The following TNXB variants were observed in gnomAD, a reference collection of about 807,000 sequenced individuals.
TNXB encodes tenascin XB.
TNXB carries 183 observed loss-of-function variants against 340.5 expected under a neutral mutation model. That is an observed-to-expected ratio of 0.54 (90% CI 0.48 to 0.61). The LOEUF is 0.61. Ranked by LOEUF, TNXB falls within the 20% of genes least tolerant of loss-of-function variation. The pLI, the probability that TNXB is intolerant of heterozygous loss-of-function variation, is 0.00. For missense variants in TNXB, 4,613 were observed against 5,446.4 expected, an observed-to-expected ratio of 0.85 and a Z score of 4.82; for synonymous variants, 2,121 against 2,314.5, an observed-to-expected ratio of 0.92 and a Z score of 2.40.
Position 32,080,653 on chromosome 6 carries a change from C to G in TNXB, c.4042+715G>C, listed in dbSNP as rs891035997. 6.6e-6 allele frequency among the ~76,000 whole-genome samples: 1 copy of G among 152,222 alleles called. No homozygotes were observed. Among genetic ancestry groups the G allele is most frequent in the African/African-American group, 2.4e-5 (1 of 41,454 alleles). ...ACAAGGTCCTACAGGAAGTAAGTTG[C>G]AAGGCTGGTAGTGAGACTCGGGCAG... On this transcript the variant is annotated intron_variant, in intron 10 of 43. Transcript: ENST00000644971. The surrounding 1 kb of genome is among the most constrained non-coding windows in gnomAD (Gnocchi z 4.3).
chr6:32,059,047 T>C (rs1435487192), intron 21 of TNXB, among the ~76,000 whole-genome samples: 1 of 151,898 alleles, frequency 6.6e-6, no homozygotes, highest in Non-Finnish European at 1.5e-5. Context: ...AGTAGGACTA[T>C]GAGATTCTTG....
At position 32,046,269 on chromosome 6, in the gene TNXB, T is replaced by C; in HGVS notation, c.10512A>G (p.Val3504=). The part of the protein sequence containing the change: ...PVAADQRTVT[V]EDLEPGKKYK... Reference sequence around the variant, plus strand: ...ATTTCTTGCCAGGCTCCAGGTCCTCTACGGTGACTGTGCGCTGGTCTGCGG... The same window carrying C: ...ATTTCTTGCCAGGCTCCAGGTCCTCCACGGTGACTGTGCGCTGGTCTGCGG... The change falls in exon 31 of 44, where the codon GTA becomes GTG. Residue 3504 remains valine, a synonymous_variant. Coordinates refer to ENST00000644971, the MANE Select transcript of TNXB (RefSeq NM_001365276.2). The surrounding 1 kb of genome is among the most constrained non-coding windows in gnomAD (Gnocchi z 6.9). The C allele has an allele frequency of 3.1e-6, 5 of 1,606,308 alleles. No individual in the cohort carries two copies. The highest frequency in any genetic ancestry group is 2.2e-5 in the South Asian group (2 of 89,614).
At position 32,043,824 on chromosome 6, in the gene TNXB, C is replaced by T. The variant is rs142610250; in HGVS notation, c.11455G>A (p.Ala3819Thr). 200 of 1,613,512 alleles carry T rather than the reference C, an allele frequency of 1.2e-4. No individual in the cohort carries two copies. Among genetic ancestry groups the T allele is most frequent in the Non-Finnish European group, 1.6e-4 (183 of 1,180,002 alleles). ...TQKLQGLIPGARYEVTVVSVR... is the reference protein window; with the variant it reads ...TQKLQGLIPGTRYEVTVVSVR... Reference sequence around the variant, plus strand: ...GAGACCACGGTCACCTCATAGCGAGCGCCTGGGATCAGCCCCTGGAGTTTC... The same window carrying T: ...GAGACCACGGTCACCTCATAGCGAGTGCCTGGGATCAGCCCCTGGAGTTTC... The change falls in exon 35 of 44, where the codon GCT (alanine) becomes ACT (threonine). Residue 3819 changes from alanine to threonine, a missense_variant. By Grantham distance (58) the Ala-to-Thr change is moderately conservative. Coordinates refer to ENST00000644971, the MANE Select transcript of TNXB (RefSeq NM_001365276.2).
Position 32,089,468 on chromosome 6 carries a change from A to C in TNXB, c.2359-89T>G. 5.4e-6 allele frequency: 8 copies of C among 1,483,342 alleles called. No homozygotes were observed. Among genetic ancestry groups the C allele is most frequent in the Non-Finnish European group, 7.2e-6 (8 of 1,107,876 alleles). 91.9% of individuals were successfully genotyped at this position (1,483,342 alleles called of 1,614,324 possible). ...TTATCTCTTCTTTCTCCAATTCTAA[A>C]CAGTGTCAGCATGGTACTGTGTGGA... is the stretch of plus-strand genomic sequence containing the variant. On this transcript the variant is annotated intron_variant, in intron 4 of 43. Coordinates refer to ENST00000644971, the MANE Select transcript of TNXB (RefSeq NM_001365276.2). The surrounding 1 kb of genome is among the most constrained non-coding windows in gnomAD (Gnocchi z 6.2).
At chr6:32,054,581 C>T (rs748564488) in intron 24 of TNXB, among the ~76,000 whole-genome samples, 70 of 152,342 alleles carry the variant, frequency 4.6e-4, no homozygotes, top group Admixed American at 6.5e-4. Context: ...CCTGCCTGGC[C>T]TCAGGTCCTG....
rs925287543 is a variant in TNXB at position 32,085,838 on chromosome 6, G to A, written c.3060C>T (p.Pro1020=). Residue 1020 remains proline (P), a synonymous_variant, in exon 7 of 44, where the codon CCC becomes CCT. Transcript: ENST00000644971. The surrounding 1 kb of genome is among the most constrained non-coding windows in gnomAD (Gnocchi z 6.4). ...GDVRQALVPP[P]PPGTPYELSL... is the part of the protein sequence containing the mutation. ...ACAGCTCATACGGGGTTCCAGGAGGGGGTGGAGGCACCAGAGCCTGGCGGA... is the reference window on the plus strand; with the variant it reads ...ACAGCTCATACGGGGTTCCAGGAGGAGGTGGAGGCACCAGAGCCTGGCGGA... 1.9e-6 allele frequency: 3 copies of A among 1,606,404 alleles called. No homozygotes were observed. In the African/African-American group the frequency reaches 4.0e-5, roughly 21 times the overall value.
Position 32,069,440 on chromosome 6 carries a change from T to C in TNXB, c.5587+113A>G. 7.6e-7 allele frequency: 1 copy of C among 1,308,682 alleles called. No individual in the cohort carries two copies. The allele number at this position is 1,308,682 out of a possible 1,614,324, so 81.1% of individuals were successfully genotyped here. On this transcript the variant is annotated intron_variant, in intron 15 of 43. Coordinates refer to ENST00000644971, the MANE Select transcript of TNXB (RefSeq NM_001365276.2). The surrounding 1 kb of genome is among the most constrained non-coding windows in gnomAD (Gnocchi z 6.2). Reference sequence around the variant, plus strand: ...ACTCTAAAGGGGCACAAGGAAACTTTCTGGATCAATGGAAATGATATAAAA... The same window carrying C: ...ACTCTAAAGGGGCACAAGGAAACTTCCTGGATCAATGGAAATGATATAAAA...
rs377299411 is a variant in TNXB, at chr6:32,055,887, G to A, written c.8431C>T (p.Arg2811Trp). 4.2e-5 allele frequency: 68 copies of A among 1,612,650 alleles called. No individual in the cohort carries two copies. The highest frequency in any genetic ancestry group is 6.7e-5 in the African/African-American group (5 of 74,908). ...KMHLYGLHEGRRVGPVSTVGV... is the reference protein window; with the variant it reads ...KMHLYGLHEGWRVGPVSTVGV... ...ACGGTGGACACCGGGCCCACACGCC[G>A]CCCCTCGTGGAGGCCGTACAGGTGC... The change falls in exon 24 of 44, where the codon CGG becomes TGG. Residue 2811 changes from arginine to tryptophan, a missense_variant. Arg to Trp is a moderately radical substitution (Grantham distance 101). This residue lies in a region of TNXB where 4,327 missense variants were observed against 4,859.4 expected (regional missense o/e 0.89). Transcript: ENST00000644971.
At position 32,052,450 on chromosome 6, in the gene TNXB, CAA is replaced by C. The variant is rs34605198; in HGVS notation, c.9115+218_9115+219del. On this transcript the variant is annotated intron_variant, in intron 26 of 43. Transcript: ENST00000644971. The surrounding 1 kb of genome is among the most constrained non-coding windows in gnomAD (Gnocchi z 4.7). Reference sequence around the variant, plus strand: ...TGGGTGACAAAGCGAGACTCTATCTCAAAAAAAAAAAAAAGAAAGAAAGAAAA... The same window carrying C: ...TGGGTGACAAAGCGAGACTCTATCTCAAAAAAAAAAAAGAAAGAAAGAAAA... 1.7e-4 allele frequency among the ~76,000 whole-genome samples: 20 copies of C among 118,728 alleles called. No homozygotes were observed. The highest frequency in any genetic ancestry group is 9.7e-5 in the African/African-American group (3 of 30,804). The allele number at this position is 118,728 out of a possible 152,430, so 77.9% of individuals were successfully genotyped here.
intron 4 of TNXB, among the ~76,000 whole-genome samples, chr6:32,092,762 C>T (rs1293020017): frequency 6.6e-6 from 1 of 151,988 alleles, no homozygotes; most frequent in East Asian, 1.9e-4. Flanking sequence ...GGTACGATGC[C>T]AGGGACCAGC....
chr6:32,068,264 GC>G lies in TNXB; in HGVS notation c.6220+125del. ...ACAGGAAGGCCCAAGGGGAGCCCCA[GC>G]CCCAGCCACAAGCAGGTCTGTGGTG... is the stretch of plus-strand genomic sequence containing the variant. On this transcript the variant is annotated intron_variant, in intron 17 of 43. Transcript: ENST00000644971. The surrounding 1 kb of genome is among the most constrained non-coding windows in gnomAD (Gnocchi z 5.3). 1 of 1,389,264 alleles carries G rather than the reference GC, an allele frequency of 7.2e-7. No individual in the cohort carries two copies. Among genetic ancestry groups the G allele is most frequent in the Non-Finnish European group, 9.7e-7 (1 of 1,027,834 alleles). The allele number at this position is 1,389,264 out of a possible 1,614,324, so 86.1% of individuals were successfully genotyped here. A position where few individuals can be genotyped will look rare whatever the true frequency, so the allele number is the denominator to read the frequency against.
intron 13 of TNXB, among the ~76,000 whole-genome samples, chr6:32,071,774 C>T (rs1443089300): frequency 6.6e-6 from 1 of 152,104 alleles, no homozygotes; most frequent in Non-Finnish European, 1.5e-5. Context: ...TTAGTAGAGA[C>T]AGGGTTTTGC....
intron 22 of TNXB, among the ~76,000 whole-genome samples, chr6:32,057,115 C>T (rs1777710142): frequency 6.6e-6 from 1 of 151,840 alleles, no homozygotes; most frequent in Non-Finnish European, 1.5e-5. Context: ...ACCCCCACCT[C>T]CCAACACCCA....
chr6:32,087,405 C>A lies in TNXB; in HGVS notation c.2780-1287G>T, dbSNP rs1779848757. ...GCTCACCGCCGGGGCCCTCTGCAGG[C>A]GGCTGAGGCCGCCAGCGCAGCACCA... On this transcript the variant is annotated intron_variant, in intron 6 of 43. Coordinates refer to ENST00000644971, the MANE Select transcript of TNXB (RefSeq NM_001365276.2). This position sits in a 1 kb window ranked among gnomAD's most constrained non-coding sequence, Gnocchi z 9.0. 2.1e-6 allele frequency: 1 copy of A among 470,930 alleles called. No individual in the cohort carries two copies. Among genetic ancestry groups the A allele is most frequent in the Non-Finnish European group, 4.2e-6 (1 of 236,350 alleles). 29.2% of individuals were successfully genotyped at this position (470,930 alleles called of 1,614,324 possible).
In TNXB at chr6:32,087,180, A is replaced by T. The variant is rs1162726738; in HGVS notation, c.2780-1062T>A. 2 of 460,226 alleles carry T rather than the reference A, an allele frequency of 4.3e-6. No homozygotes were observed. Among genetic ancestry groups the T allele is most frequent in the African/African-American group, 2.0e-5 (1 of 50,624 alleles). 28.5% of individuals were successfully genotyped at this position (460,226 alleles called of 1,614,324 possible). A position where few individuals can be genotyped will look rare whatever the true frequency, so the allele number is the denominator to read the frequency against. ...TGGGGGGTGGCAGTGGGAGGAATTC[A>T]TGAATGCAGGCTCCAACGGCAGGTG... On this transcript the variant is annotated intron_variant, in intron 6 of 43. Coordinates refer to ENST00000644971, the MANE Select transcript of TNXB (RefSeq NM_001365276.2). The surrounding 1 kb of genome is among the most constrained non-coding windows in gnomAD (Gnocchi z 9.0).
In TNXB at chr6:32,076,538, A is replaced by G. The variant is rs11964111; in HGVS notation, c.4375+2495T>C. Reference sequence around the variant, plus strand: ...AACATGGATATACAGGGATTCCCTCACGGGAAGGTCTGAGCAAAAGATGAA... The same window carrying G: ...AACATGGATATACAGGGATTCCCTCGCGGGAAGGTCTGAGCAAAAGATGAA... On this transcript the variant is annotated intron_variant, in intron 11 of 43. Transcript: ENST00000644971. Among the ~76,000 whole-genome samples, 318 of 152,364 alleles carry G rather than the reference A, an allele frequency of 2.1e-3. 2 individuals are homozygous for G. The highest frequency in any genetic ancestry group is 7.3e-3 in the African/African-American group (304 of 41,580).
Position 32,062,509 on chromosome 6 carries a change from G to A in TNXB, c.6842-26C>T. The A allele has an allele frequency of 6.4e-7, 1 of 1,558,862 alleles. No individual in the cohort carries two copies. The highest frequency in any genetic ancestry group is 8.7e-7 in the Non-Finnish European group (1 of 1,149,338). Reference sequence around the variant, plus strand: ...CTGCATCAGAAAATAGAATGGGTGGGCATGCCTGGTGGGCCTCCTTTTAAC... The same window carrying A: ...CTGCATCAGAAAATAGAATGGGTGGACATGCCTGGTGGGCCTCCTTTTAAC... On this transcript the variant is annotated intron_variant, in intron 19 of 43. Transcript: ENST00000644971. The surrounding 1 kb of genome is among the most constrained non-coding windows in gnomAD (Gnocchi z 4.3).
In TNXB at chr6:32,072,372, G is replaced by C. The variant is rs1778831026; in HGVS notation, c.4682-74C>G. ...ACCCCTGGGCTTTGAGGGCCTCAGG[G>C]GGGCTGTGAACTGAGATGGGGAATA... On this transcript the variant is annotated intron_variant, in intron 12 of 43. Coordinates refer to ENST00000644971, the MANE Select transcript of TNXB (RefSeq NM_001365276.2). The surrounding 1 kb of genome is among the most constrained non-coding windows in gnomAD (Gnocchi z 4.4). 2 of 1,330,782 alleles carry C rather than the reference G, an allele frequency of 1.5e-6. No individual in the cohort carries two copies. The highest frequency in any genetic ancestry group is 3.2e-5 in the South Asian group (2 of 62,776). The allele number at this position is 1,330,782 out of a possible 1,614,324, so 82.4% of individuals were successfully genotyped here.
At position 32,095,073 on chromosome 6, in the gene TNXB, C is replaced by T; in HGVS notation, c.2358+3G>A. The T allele has an allele frequency of 6.5e-7, 1 of 1,547,968 alleles. No individual in the cohort carries two copies. Among genetic ancestry groups the T allele is most frequent in the Non-Finnish European group, 8.7e-7 (1 of 1,145,560 alleles). On this transcript the variant is annotated splice_donor_region_variant and intron_variant, in intron 4 of 43. Coordinates refer to ENST00000644971, the MANE Select transcript of TNXB (RefSeq NM_001365276.2). ...CCCTCCTGGAGCCTGGCATCTCTCT[C>T]ACCGTGGGGATGAACTGAATTTCAT...
Sources: allele counts gnomAD v4.1 joint callset (sites outside exome capture counted in the v4.1 genomes callset), GRCh38; gene constraint gnomAD v4.1.1; regional missense constraint gnomAD v4.1.1; non-coding constraint Gnocchi (gnomAD v3.1); transcripts MANE v1.5; gene names NCBI Gene and HGNC (gene_info 2026-07-23, HGNC 2026-07-21).